KIF2A: variants seen among roughly 807,000 people sequenced by gnomAD.
The protein encoded by KIF2A is kinesin family member 2A.
In KIF2A, 22 loss-of-function variants were observed where a neutral mutation model predicts 100.2. The observed-to-expected ratio is 0.22, with a 90% CI of 0.16 to 0.31. The LOEUF (loss-of-function observed/expected upper bound fraction) is 0.31. KIF2A is among the 10% of genes least tolerant of loss of function. The pLI is 1.00. For synonymous variants in KIF2A, 268 were observed against 285.9 expected, an observed-to-expected ratio of 0.94 and a Z score of 0.63; for missense variants, 495 against 898.7, an observed-to-expected ratio of 0.55 and a Z score of 5.74.
At chr5:62,319,677 C>T (rs1043235874) in intron 1 of KIF2A, among the ~76,000 whole-genome samples, 4 of 152,126 alleles carry the variant, frequency 2.6e-5, no homozygotes, top group African/African-American at 9.7e-5. Context: ...AATGAACTTC[C>T]AGCTTCTCTT....
chr5:62,357,729 A>C lies in KIF2A; in HGVS notation c.693A>C (p.Arg231=). Residue 231 remains arginine, a synonymous_variant, in exon 8 of 21, where the codon CGA becomes CGC. Coordinates refer to ENST00000407818, the MANE Select transcript of KIF2A (RefSeq NM_001098511.3). Reference sequence around the variant, plus strand: ...GGATATGTGTGTGTGTAAGAAAACGACCACTCAATAAAAAAGGTATGGCAC... The same window carrying C: ...GGATATGTGTGTGTGTAAGAAAACGCCCACTCAATAAAAAAGGTATGGCAC... The part of the protein sequence containing the change: ...EHRICVCVRK[R]PLNKKETQMK... 1.3e-6 allele frequency: 2 copies of C among 1,559,968 alleles called. No homozygotes were observed. Among genetic ancestry groups the C allele is most frequent in the Non-Finnish European group, 1.8e-6 (2 of 1,133,654 alleles).
At chr5:62,372,374 G>A in intron 16 of KIF2A, 64 bp from the exon 17 acceptor site, 1 of 776,738 alleles carries the variant, frequency 1.3e-6, no homozygotes, top group South Asian at 1.6e-5. Context: ...ATGAAAATGT[G>A]CAATGTGCAT....
chr5:62,324,196 T>G (rs994629505), intron 1 of KIF2A, among the ~76,000 whole-genome samples: 11 of 152,028 alleles, frequency 7.2e-5, no homozygotes, highest in African/African-American at 2.4e-4. Flanking sequence ...TACAAAACAT[T>G]GCTGAAATAA....
chr5:62,348,150 G>A lies in KIF2A; in HGVS notation c.262G>A (p.Val88Ile), dbSNP rs1425539658. 1.9e-6 allele frequency: 3 copies of A among 1,613,686 alleles called. No homozygotes were observed. In the Admixed American group the frequency reaches 5.0e-5, roughly 27 times the overall value. Reference protein sequence around the residue: ...TPPPPASSAKVNKIVKNRRTV... With the variant: ...TPPPPASSAKINKIVKNRRTV... ...TCCACCTCCAGCATCCTCAGCCAAA[G>A]TAAACAAAATTGTAAAGGTTAGTGA... is the stretch of plus-strand genomic sequence containing the variant. Residue 88 changes from valine to isoleucine, a missense_variant, in exon 3 of 21, where the codon GTA becomes ATA. This residue lies in a region of KIF2A where 115 missense variants were observed against 143.6 expected (regional missense o/e 0.80). Coordinates refer to ENST00000407818, the MANE Select transcript of KIF2A (RefSeq NM_001098511.3).
At chr5:62,380,851 T>G (rs1055041005) in intron 19 of KIF2A, among the ~76,000 whole-genome samples, 1 of 151,216 alleles carries the variant, frequency 6.6e-6, no homozygotes, top group South Asian at 2.1e-4. Context: ...GTGGAGGAGG[T>G]GGAAGGGATG....
intron 20 of KIF2A, among the ~76,000 whole-genome samples, chr5:62,382,038 C>T (rs1051303566): frequency 1.3e-5 from 2 of 152,172 alleles, no homozygotes; most frequent in South Asian, 2.1e-4. Flanking sequence ...GGCATTTGCA[C>T]ACTGTTGGCT....
intron 9 of KIF2A, among the ~76,000 whole-genome samples, chr5:62,360,752 A>G (rs368001455): frequency 2.0e-5 from 3 of 152,228 alleles, no homozygotes; most frequent in South Asian, 2.1e-4. Context: ...GAGAGTGTCA[A>G]CTTACTAATA....
At chr5:62,384,342 A>C (rs577353332) in intron 20 of KIF2A, among the ~76,000 whole-genome samples, 1 of 152,192 alleles carries the variant, frequency 6.6e-6, no homozygotes, top group Non-Finnish European at 1.5e-5. Context: ...TTTAAACATC[A>C]CTGTACTTTC....
intron 19 of KIF2A, among the ~76,000 whole-genome samples, chr5:62,380,136 C>T (rs886201173): frequency 6.6e-6 from 1 of 152,182 alleles, no homozygotes; most frequent in African/African-American, 2.4e-5. Context: ...CAAAGTGATC[C>T]ACTTGCCTCA....
At chr5:62,325,402 G>T (rs1253319309) in intron 1 of KIF2A, among the ~76,000 whole-genome samples, 1 of 151,934 alleles carries the variant, frequency 6.6e-6, no homozygotes, top group Non-Finnish European at 1.5e-5. Flanking sequence ...GGGATTACAG[G>T]CATGAGCCAC....
chr5:62,383,409 A>AT (rs1396945251), intron 20 of KIF2A, among the ~76,000 whole-genome samples: 3 of 150,386 alleles, frequency 2.0e-5, no homozygotes, highest in Non-Finnish European at 4.4e-5. Context: ...CGCCTGGCTA[A>AT]TTTTTTTGTA....
At chr5:62,371,208 T>C (rs887881546) in intron 16 of KIF2A, among the ~76,000 whole-genome samples, 10 of 152,152 alleles carry the variant, frequency 6.6e-5, no homozygotes, top group Non-Finnish European at 1.3e-4. Context: ...GAGCCATGAC[T>C]GAGCCACTGC....
chr5:62,354,186 T>C (rs1304459463), intron 6 of KIF2A, among the ~76,000 whole-genome samples: 1 of 152,122 alleles, frequency 6.6e-6, no homozygotes, highest in Non-Finnish European at 1.5e-5. Context: ...GAATGACCAG[T>C]TGGGTTTTGA....
chr5:62,355,797 G>A lies in KIF2A; in HGVS notation c.654+543G>A, dbSNP rs370250184. ...AATGAGAATTCATTGGACAGGGAGT[G>A]CCTTTTTTTTTTTTTTTTTGAGATG... is the stretch of plus-strand genomic sequence containing the variant. On this transcript the variant is annotated intron_variant, in intron 7 of 20. Transcript: ENST00000407818. 1.8e-4 allele frequency among the ~76,000 whole-genome samples: 26 copies of A among 145,948 alleles called. 1 individual carries two copies. In the East Asian group the frequency reaches 2.0e-3, roughly 11 times the overall value.
chr5:62,309,216 A>T (rs1745451599), intron 1 of KIF2A, among the ~76,000 whole-genome samples: 2 of 152,182 alleles, frequency 1.3e-5, no homozygotes, highest in African/African-American at 2.4e-5. Context: ...TTCAGCCTAT[A>T]CCAGAAGTTC....
chr5:62,339,945 T>TTG (rs1415054943), intron 1 of KIF2A, among the ~76,000 whole-genome samples: 1 of 151,256 alleles, frequency 6.6e-6, no homozygotes, highest in Non-Finnish European at 1.5e-5. Flanking sequence ...TACTTTTTTT[T>TTG]TTTTTTTTTT....
rs1282294760 is a variant in KIF2A, at chr5:62,387,932, G to C, written c.*2363G>C. The C allele has an allele frequency of 6.6e-6, 1 of 151,246 alleles. No homozygotes were observed. The highest frequency in any genetic ancestry group is 2.4e-5 in the African/African-American group (1 of 41,140). 9.4% of individuals were successfully genotyped at this position (151,246 alleles called of 1,614,324 possible). On this transcript the variant is annotated 3_prime_UTR_variant, in exon 21 of 21. Coordinates refer to ENST00000407818, the MANE Select transcript of KIF2A (RefSeq NM_001098511.3). ...TTGGAAACACTCTTCTATTAAGTTA[G>C]GTATTAAAAAAAGCCAAATATCAAT...
Position 62,389,897 on chromosome 5 carries a change from G to C in KIF2A, c.*4328G>C, listed in dbSNP as rs534474801. ...AGAGAAAATATTTCTCTTTAGACCT[G>C]AGGTTATGTTTAGGCTGGCCCATAG... On this transcript the variant is annotated 3_prime_UTR_variant, in exon 21 of 21. Transcript: ENST00000407818. Among the ~76,000 whole-genome samples, 4 of 152,292 alleles carry C rather than the reference G, an allele frequency of 2.6e-5. No individual in the cohort carries two copies. The South Asian group carries it at 8.3e-4, about 32-fold the overall frequency.
chr5:62,373,546 T>C, intron 17 of KIF2A, 141 bp from the exon 18 acceptor site: 1 of 606,384 alleles, frequency 1.6e-6, no homozygotes, highest in Non-Finnish European at 2.8e-6. Context: ...TTTCTACAGA[T>C]TTCAGATAAA....
Sources: allele counts gnomAD v4.1 joint callset (sites outside exome capture counted in the v4.1 genomes callset), GRCh38; gene constraint gnomAD v4.1.1; regional missense constraint gnomAD v4.1.1; transcripts MANE v1.5; gene names NCBI Gene and HGNC (gene_info 2026-07-23, HGNC 2026-07-21).